ESRRG: variants seen among roughly 807,000 people sequenced by gnomAD.
ESRRG encodes the protein estrogen-related receptor gamma.
In ESRRG, 13 loss-of-function variants were observed where a neutral mutation model predicts 44.0. That is an observed-to-expected ratio of 0.30 (90% CI 0.19 to 0.47). The LOEUF (loss-of-function observed/expected upper bound fraction) is 0.47. Ranked by LOEUF, ESRRG falls within the 20% of genes least tolerant of loss-of-function variation. The probability of loss-of-function intolerance (pLI) is 1.00; values close to 1 mark genes in which losing one functional copy is unlikely to be tolerated. For missense variants in ESRRG, 395 were observed against 580.6 expected, an observed-to-expected ratio of 0.68 and a Z score of 3.29; for synonymous variants, 215 against 214.6, an observed-to-expected ratio of 1.00 and a Z score of -0.02.
At chr1:217,066,255 C>CTTTTTT (rs68151743) in intron 1 of ESRRG, among the ~76,000 whole-genome samples, 12 of 132,506 alleles carry the variant, frequency 9.1e-5, no homozygotes, top group South Asian at 4.9e-4. Flanking sequence ...TTTTTCTTTT[C>CTTTTTT]TTTTTTTTTT....
intron 2 of ESRRG, among the ~76,000 whole-genome samples, chr1:216,891,620 C>T (rs2057801491): frequency 6.6e-6 from 1 of 152,122 alleles, no homozygotes; most frequent in Non-Finnish European, 1.5e-5. Flanking sequence ...GGACCCGTAC[C>T]ATAGAGATAG....
At chr1:216,882,759 A>G (rs766714060) in intron 2 of ESRRG, among the ~76,000 whole-genome samples, 3 of 152,200 alleles carry the variant, frequency 2.0e-5, no homozygotes, top group Non-Finnish European at 2.9e-5. Context: ...TTTTTAAAGT[A>G]GCATTAAAAA....
chr1:216,518,004 C>A (rs185407442), intron 6 of ESRRG, among the ~76,000 whole-genome samples: 3 of 152,244 alleles, frequency 2.0e-5, no homozygotes, highest in Admixed American at 2.0e-4. Flanking sequence ...CTGTTAATTA[C>A]AAAATCAATT....
At chr1:216,929,048 A>C (rs1191493693) in intron 2 of ESRRG, among the ~76,000 whole-genome samples, 1 of 152,170 alleles carries the variant, frequency 6.6e-6, no homozygotes, top group Non-Finnish European at 1.5e-5. Context: ...ATGGGAATGC[A>C]CTTAATGCCA....
intron 1 of ESRRG, among the ~76,000 whole-genome samples, chr1:217,051,792 T>G (rs1421724743): frequency 6.6e-6 from 1 of 152,192 alleles, no homozygotes; most frequent in African/African-American, 2.4e-5. Flanking sequence ...AGACAGGGTC[T>G]CACTTTGTTG....
chr1:216,929,389 C>A (rs1316510357), intron 2 of ESRRG, among the ~76,000 whole-genome samples: 2 of 152,072 alleles, frequency 1.3e-5, no homozygotes, highest in Non-Finnish European at 2.9e-5. Context: ...AGAAAAGGGG[C>A]CATCAAAAAG....
chr1:216,604,064 A>AT (rs2059615380), intron 3 of ESRRG, among the ~76,000 whole-genome samples: 1 of 152,114 alleles, frequency 6.6e-6, no homozygotes, highest in African/African-American at 2.4e-5. Context: ...AGTGTACATA[A>AT]AATTAGGAAA....
intron 1 of ESRRG, among the ~76,000 whole-genome samples, chr1:216,997,483 T>C (rs530085625): frequency 2.6e-5 from 4 of 152,294 alleles, no homozygotes; most frequent in Admixed American, 2.0e-4. Flanking sequence ...GCCTTTAAGG[T>C]ACATATTGCA....
chr1:216,912,183 A>AGGAGAGGAGAGGAG (rs1560083303), intron 2 of ESRRG, among the ~76,000 whole-genome samples: 2 of 21,156 alleles, frequency 9.5e-5, no homozygotes, highest in Non-Finnish European at 1.6e-4. Context: ...AAGAAAAGAA[A>AGGAGAGGAGAGGAG]AGGAGAGGAG....
At chr1:216,703,352 C>G (rs919515450) in intron 1 of ESRRG, among the ~76,000 whole-genome samples, 2 of 152,128 alleles carry the variant, frequency 1.3e-5, no homozygotes, top group African/African-American at 4.8e-5. Context: ...AGAAAGTTTA[C>G]TCATCTGTGT....
At chr1:216,941,041 A>G (rs1204616573) in intron 1 of ESRRG, among the ~76,000 whole-genome samples, 1 of 152,178 alleles carries the variant, frequency 6.6e-6, no homozygotes, top group Non-Finnish European at 1.5e-5. Flanking sequence ...ACTGTGCTTT[A>G]CACATAAAAC....
chr1:216,975,253 T>C (rs1282725536), intron 1 of ESRRG, among the ~76,000 whole-genome samples: 1 of 152,214 alleles, frequency 6.6e-6, no homozygotes, highest in Non-Finnish European at 1.5e-5. Context: ...TTGTTCTATT[T>C]CACATAGTTC....
chr1:216,971,706 C>T (rs1156863842), intron 1 of ESRRG, among the ~76,000 whole-genome samples: 1 of 152,170 alleles, frequency 6.6e-6, no homozygotes, highest in Non-Finnish European at 1.5e-5. Flanking sequence ...CTAAATAGCT[C>T]TGATCTGAAA....
chr1:216,801,571 G>A (rs541725386), intron 2 of ESRRG, among the ~76,000 whole-genome samples: 8 of 152,186 alleles, frequency 5.3e-5, no homozygotes, highest in African/African-American at 1.2e-4. Context: ...AGTGTACAGC[G>A]TTTCCTTTTC....
At chr1:216,948,476 C>CAAA (rs5780948) in intron 1 of ESRRG, among the ~76,000 whole-genome samples, 9 of 103,322 alleles carry the variant, frequency 8.7e-5, no homozygotes, top group East Asian at 6.5e-4. Flanking sequence ...GACTCCATCT[C>CAAA]AAAAAAAAAA....
intron 1 of ESRRG, among the ~76,000 whole-genome samples, chr1:217,086,613 C>T (rs575351910): frequency 2.0e-5 from 3 of 152,190 alleles, no homozygotes; most frequent in Admixed American, 1.3e-4. Context: ...ATAAAAATAC[C>T]GTGTAAAAAT....
At chr1:216,886,071 T>A (rs772716558) in intron 2 of ESRRG, among the ~76,000 whole-genome samples, 7 of 152,226 alleles carry the variant, frequency 4.6e-5, no homozygotes, top group Non-Finnish European at 8.8e-5. Flanking sequence ...AATTCATTTT[T>A]ATTTTTGAAT....
At chr1:216,687,338 T>C (rs2078199406) in intron 1 of ESRRG, among the ~76,000 whole-genome samples, 1 of 152,154 alleles carries the variant, frequency 6.6e-6, no homozygotes, top group Non-Finnish European at 1.5e-5. Context: ...TTTGTCCCAG[T>C]GTGCGACACC....
At chr1:216,728,125 C>G (rs1252452586), upstream of ESRRG, among the ~76,000 whole-genome samples, 3 of 152,134 alleles carry the variant, frequency 2.0e-5, no homozygotes, top group African/African-American at 4.8e-5. Flanking sequence ...ATGCATTTTA[C>G]AGTATCCTAC....
Sources: gnomAD v4.1 joint callset for allele counts (sites outside exome capture counted in the v4.1 genomes callset) on GRCh38, gnomAD v4.1.1 for gene constraint, MANE v1.5 for transcripts, NCBI Gene and HGNC (gene_info 2026-07-23, HGNC 2026-07-21) for gene names.